The following MMEL1 variants were observed in gnomAD, a reference collection of about 807,000 sequenced individuals.
MMEL1 encodes membrane metallo-endopeptidase-like 1.
MMEL1 carries 98 observed loss-of-function variants against 117.1 expected under a neutral mutation model. The ratio of observed to expected loss-of-function variants is 0.84; its 90% CI spans 0.71 to 0.99. MMEL1 has a LOEUF of 0.99. MMEL1 is among the 50% of genes least tolerant of loss of function. The pLI is 0.00. For missense variants in MMEL1, 1,014 were observed against 1,049.1 expected (o/e 0.97, Z 0.46); for synonymous variants, 390 against 415.1 (o/e 0.94, Z 0.74).
intron 19 of MMEL1, 81 bp from the exon 20 acceptor site, chr1:2,593,047 GCTCCTGCCC>G: frequency 6.5e-7 from 1 of 1,538,864 alleles, no homozygotes; most frequent in East Asian, 2.3e-5. Flanking sequence ...GTGCCTGGCC[GCTCCTGCCC>G]CTCCTGCAGC....
intron 18 of MMEL1, 159 bp downstream of exon 18, chr1:2,594,222 GGAGT>G: frequency 1.1e-6 from 1 of 879,792 alleles, no homozygotes; most frequent in Non-Finnish European, 1.8e-6. Flanking sequence ...CATGGGCACG[GGAGT>G]GAGTGTTCCC....
intron 14 of MMEL1, 98 bp downstream of exon 14, chr1:2,596,462 TG>T (rs149373691): frequency 0.094 from 140,277 of 1,489,642 alleles, 7,510 homozygotes; most frequent in Non-Finnish European, 0.11. Flanking sequence ...CTGGGGCAGG[TG>T]CCCCTGAGCC....
At chr1:2,622,993 C>A (rs982164545) in intron 2 of MMEL1, among the ~76,000 whole-genome samples, 2 of 150,840 alleles carry the variant, frequency 1.3e-5, no homozygotes, top group African/African-American at 4.9e-5. Flanking sequence ...CATGGTGAAA[C>A]CCCATCTCTA....
intron 6 of MMEL1, among the ~76,000 whole-genome samples, chr1:2,608,230 C>A (rs940832529): frequency 6.6e-6 from 1 of 152,096 alleles, no homozygotes; most frequent in Non-Finnish European, 1.5e-5. Context: ...GGAGGCTCCA[C>A]GAGACCCCCT....
Position 2,607,598 on chromosome 1 carries a change from C to T in MMEL1, c.536-529G>A, listed in dbSNP as rs74347568. ...GTCGAAGATTAGGTAAAGGTGGGGA[C>T]GCGGAGATAGTCACTGTGGGAATAA... On this transcript the variant is annotated intron_variant, in intron 6 of 23. Transcript: ENST00000378412. 2.6e-3 allele frequency among the ~76,000 whole-genome samples: 391 copies of T among 152,124 alleles called. 1 individual carries two copies. The highest frequency in any genetic ancestry group is 8.8e-3 in the African/African-American group (367 of 41,494).
In MMEL1 at chr1:2,612,951, G is replaced by C. The variant is rs1645152323; in HGVS notation, c.155-747C>G. 6.6e-6 allele frequency among the ~76,000 whole-genome samples: 1 copy of C among 152,182 alleles called. No individual in the cohort carries two copies. Among genetic ancestry groups the C allele is most frequent in the African/African-American group, 2.4e-5 (1 of 41,452 alleles). The stretch of plus-strand genomic sequence containing the variant: ...ACACAGAGGACTGAATGGAAGGAGG[G>C]AACAGGGCTCGTTCAGGTCAGGGCT... On this transcript the variant is annotated intron_variant, in intron 2 of 23. Coordinates refer to ENST00000378412, the MANE Select transcript of MMEL1 (RefSeq NM_033467.4). The surrounding 1 kb of genome is among the most constrained non-coding windows in gnomAD (Gnocchi z 5.4).
chr1:2,629,302 A>G, intron 2 of MMEL1, 29 bp downstream of exon 2: 2 of 1,513,312 alleles, frequency 1.3e-6, no homozygotes, highest in South Asian at 2.4e-5. Context: ...GGGCACGGGG[A>G]CAGGCGGGGG....
At chr1:2,594,984 A>C in intron 16 of MMEL1, 91 bp from the exon 17 acceptor site, 1 of 1,124,898 alleles carries the variant, frequency 8.9e-7, no homozygotes, top group East Asian at 2.4e-5. Flanking sequence ...GAAGGACCTC[A>C]AGCCTTGCCA....
rs906524220 is a variant in MMEL1, at chr1:2,611,286, A to G, written c.287T>C (p.Ile96Thr). The G allele has an allele frequency of 2.1e-5, 33 of 1,578,994 alleles. No homozygotes were observed. The Admixed American group carries it at 4.1e-4, about 20-fold the overall frequency. Residue 96 changes from isoleucine to threonine, a missense_variant, in exon 4 of 24, where the codon ATA becomes ACA. By Grantham distance (89) the Ile-to-Thr change is moderately conservative. Transcript: ENST00000378412. ...GGCAAGGGGGCGGGGCTTACCTGCT[A>G]TCACGCAGCCAGGGGTGGTGCAGAC... ...SEVCTTPGCV[I>T]AAARILQNMD...
intron 19 of MMEL1, among the ~76,000 whole-genome samples, chr1:2,593,187 C>A (rs868397767): frequency 3.6e-4 from 55 of 152,206 alleles, no homozygotes; most frequent in African/African-American, 1.2e-3. Context: ...CTTCAGTGGT[C>A]TCCCATGCCA....
rs1257295583 is a variant in MMEL1 at position 2,612,915 on chromosome 1, A to T, written c.155-711T>A. ...ACCTGGCTTGTGGCCGAATTTCCCC[A>T]GCAGTGAGGTACACAGAGGACTGAA... On this transcript the variant is annotated intron_variant, in intron 2 of 23. Transcript: ENST00000378412. The surrounding 1 kb of genome is among the most constrained non-coding windows in gnomAD (Gnocchi z 5.4). 6.6e-6 allele frequency among the ~76,000 whole-genome samples: 1 copy of T among 152,186 alleles called. No individual in the cohort carries two copies. The highest frequency in any genetic ancestry group is 2.4e-5 in the African/African-American group (1 of 41,456).
chr1:2,598,592 G>A lies in MMEL1; in HGVS notation c.1178+62C>T, dbSNP rs1006886858. The A allele has an allele frequency of 4.4e-6, 7 of 1,603,742 alleles. No homozygotes were observed. In the African/African-American group the frequency reaches 9.4e-5, roughly 21 times the overall value. ...CCTCCTGGGAGCAGAAGCTGTGTTG[G>A]GGAGGATGGGAGAGCAGGGGCAAAG... On this transcript the variant is annotated intron_variant, in intron 12 of 23. Transcript: ENST00000378412.
chr1:2,619,473 C>T (rs1182629933), intron 2 of MMEL1, among the ~76,000 whole-genome samples: 1 of 152,086 alleles, frequency 6.6e-6, no homozygotes, highest in Non-Finnish European at 1.5e-5. Context: ...GCCTGGCCAA[C>T]ATGGTGAAAC....
intron 2 of MMEL1, among the ~76,000 whole-genome samples, chr1:2,618,680 G>GGTA (rs1645241748): frequency 6.6e-6 from 1 of 152,182 alleles, no homozygotes; most frequent in South Asian, 2.1e-4. Context: ...ACTCCAGGCT[G>GGTA]GTAGTGTCCT....
chr1:2,606,850 G>A (rs1645036769), intron 7 of MMEL1, 124 bp downstream of exon 7: 6 of 875,586 alleles, frequency 6.9e-6, no homozygotes, highest in Non-Finnish European at 7.2e-6. Context: ...GCCTCTTGGG[G>A]CTCCTGAGAG....
chr1:2,625,920 T>G (rs986104949), intron 2 of MMEL1, among the ~76,000 whole-genome samples: 6 of 136,542 alleles, frequency 4.4e-5, no homozygotes, highest in African/African-American at 1.5e-4. Context: ...GGGAGTTCCC[T>G]ATGACCAGTG....
chr1:2,624,603 G>A (rs1159185009), intron 2 of MMEL1, among the ~76,000 whole-genome samples: 2 of 152,228 alleles, frequency 1.3e-5, no homozygotes, highest in Non-Finnish European at 2.9e-5. Flanking sequence ...CTGCAAAGAA[G>A]TATCTCAGAC....
chr1:2,622,791 A>T (rs1253637304), intron 2 of MMEL1, among the ~76,000 whole-genome samples: 1 of 151,468 alleles, frequency 6.6e-6, no homozygotes, highest in Non-Finnish European at 1.5e-5. Flanking sequence ...AGGCTGAGGC[A>T]GGAGAATCGC....
intron 11 of MMEL1, among the ~76,000 whole-genome samples, chr1:2,603,237 C>T (rs759884154): frequency 6.6e-6 from 1 of 152,200 alleles, no homozygotes; most frequent in Non-Finnish European, 1.5e-5. Flanking sequence ...CCCCTTCTGC[C>T]CTTGCCCTCC....
Sources: gnomAD v4.1 joint callset for allele counts (sites outside exome capture counted in the v4.1 genomes callset) on GRCh38, gnomAD v4.1.1 for gene constraint, Gnocchi (gnomAD v3.1) non-coding constraint, MANE v1.5 for transcripts, NCBI Gene and HGNC (gene_info 2026-07-23, HGNC 2026-07-21) for gene names.